Variants in GLG1 observed in about 807,000 individuals in gnomAD.
GLG1 encodes the protein Golgi apparatus protein 1.
In GLG1, 38 loss-of-function variants were observed where a neutral mutation model predicts 160.5. The observed-to-expected ratio is 0.24, with a 90% confidence interval of 0.18 to 0.31. GLG1 has a LOEUF of 0.31. GLG1 is among the 10% of genes least tolerant of loss of function. The pLI is 1.00. For synonymous variants in GLG1, 644 were observed against 543.4 expected, an observed-to-expected ratio of 1.19 and a Z score of -2.57; for missense variants, 1,373 against 1,505.2, an observed-to-expected ratio of 0.91 and a Z score of 1.45.
At chr16:74,458,074 C>A in intron 23 of GLG1, 80 bp from the exon 24 acceptor site, 1 of 1,397,964 alleles carries the variant, frequency 7.2e-7, no homozygotes, top group South Asian at 1.3e-5. Context: ...ACTTCATATA[C>A]TAATAAAAAA....
intron 1 of GLG1, among the ~76,000 whole-genome samples, chr16:74,548,444 G>T (rs1368836978): frequency 1.3e-5 from 2 of 152,136 alleles, no homozygotes; most frequent in African/African-American, 4.8e-5. Context: ...TTATATTTAA[G>T]AAAGTTCTTT....
At chr16:74,568,069 A>T (rs374255151) in intron 1 of GLG1, among the ~76,000 whole-genome samples, 2 of 152,188 alleles carry the variant, frequency 1.3e-5, no homozygotes, top group Admixed American at 6.5e-5. Flanking sequence ...AAACAATACA[A>T]CATTTGCAAT....
At chr16:74,572,535 A>C (rs2018861556) in intron 1 of GLG1, among the ~76,000 whole-genome samples, 1 of 151,762 alleles carries the variant, frequency 6.6e-6, no homozygotes, top group South Asian at 2.1e-4. Context: ...AACAAAAAAA[A>C]AAAAACACAA....
rs1555511216 is a variant in GLG1 at position 74,506,604 on chromosome 16, A to AAAAAAAC, written c.558+2234_558+2235insGTTTTTT. On this transcript the variant is annotated intron_variant, in intron 3 of 25. Coordinates refer to ENST00000422840, the MANE Select transcript of GLG1 (RefSeq NM_001145667.2). ...CTCAAAAAAAAAAAAAAAAAAAAAA[A>AAAAAAAC]CTCAAGAGAAACCAGGAGCACATTT... Among the ~76,000 whole-genome samples the AAAAAAAC allele has an allele frequency of 7.1e-3, 1,017 of 142,536 alleles. 36 individuals carry two copies. The highest frequency in any genetic ancestry group is 0.012 in the Non-Finnish European group (797 of 64,502). 93.5% of individuals were successfully genotyped at this position (142,536 alleles called of 152,430 possible).
At chr16:74,539,064 G>A (rs575331598) in intron 1 of GLG1, among the ~76,000 whole-genome samples, 49 of 150,976 alleles carry the variant, frequency 3.2e-4, no homozygotes, top group African/African-American at 1.1e-3. Flanking sequence ...ATTCTGTGCC[G>A]ATGGCTGAGA....
intron 2 of GLG1, among the ~76,000 whole-genome samples, chr16:74,512,924 G>A (rs535078025): frequency 6.6e-6 from 1 of 152,146 alleles, no homozygotes; most frequent in Non-Finnish European, 1.5e-5. Context: ...TCAGGGATAA[G>A]AAGCAATTTA....
At chr16:74,492,021 G>A (rs1371473171) in intron 7 of GLG1, among the ~76,000 whole-genome samples, 3 of 151,966 alleles carry the variant, frequency 2.0e-5, no homozygotes, top group Admixed American at 2.0e-4. Flanking sequence ...AAAATTTGAA[G>A]CCAAGTCTGA....
intron 1 of GLG1, among the ~76,000 whole-genome samples, chr16:74,572,888 G>A (rs1483185908): frequency 3.9e-5 from 6 of 152,106 alleles, no homozygotes; most frequent in Non-Finnish European, 5.9e-5. Context: ...CTGAAGTGAC[G>A]GGCTGTCTTA....
At chr16:74,539,980 A>AC (rs1268203734) in intron 1 of GLG1, among the ~76,000 whole-genome samples, 4 of 4,504 alleles carry the variant, frequency 8.9e-4, no homozygotes, top group African/African-American at 1.4e-3. Flanking sequence ...ATAAACAAAT[A>AC]CAAATATATA....
chr16:74,587,442 T>C (rs1958079421), intron 1 of GLG1, among the ~76,000 whole-genome samples: 1 of 152,234 alleles, frequency 6.6e-6, no homozygotes, highest in Non-Finnish European at 1.5e-5. Flanking sequence ...AGGAGATTTG[T>C]GGAGGGATCC....
chr16:74,600,060 AC>A (rs1268123073), intron 1 of GLG1, among the ~76,000 whole-genome samples: 2 of 151,942 alleles, frequency 1.3e-5, no homozygotes, highest in Non-Finnish European at 2.9e-5. Context: ...AAACAAAAAA[AC>A]AACAGAGAAA....
At chr16:74,562,245 T>C (rs559641201) in intron 1 of GLG1, among the ~76,000 whole-genome samples, 1 of 152,350 alleles carries the variant, frequency 6.6e-6, no homozygotes, top group South Asian at 2.1e-4. Context: ...CTGAATTGAC[T>C]GGTTGCCTTG....
In GLG1 at chr16:74,504,951, T is replaced by C. The variant is rs1408964204; in HGVS notation, c.559-1205A>G. ...TTAAATTATAAAACAGAGAAGGGTGTTTGGAAAAGAGCCTATTGCATTTGG... is the reference window on the plus strand; with the variant it reads ...TTAAATTATAAAACAGAGAAGGGTGCTTGGAAAAGAGCCTATTGCATTTGG... On this transcript the variant is annotated intron_variant, in intron 3 of 25. Transcript: ENST00000422840. 3.3e-5 allele frequency among the ~76,000 whole-genome samples: 5 copies of C among 152,246 alleles called. No individual in the cohort carries two copies. The East Asian group carries it at 9.6e-4, about 29-fold the overall frequency.
At chr16:74,585,499 G>A (rs1958027664) in intron 1 of GLG1, among the ~76,000 whole-genome samples, 1 of 152,046 alleles carries the variant, frequency 6.6e-6, no homozygotes, top group African/African-American at 2.4e-5. Flanking sequence ...GAGGTCATGA[G>A]ATTGAGACCA....
chr16:74,508,930 A>G lies in GLG1; in HGVS notation c.472-5T>C. ...CAGCTTATAATTCCACAACAACTAG[A>G]TAGGAGAGGAAAAAAAAAAACAAAG... On this transcript the variant is annotated splice_region_variant and splice_polypyrimidine_tract_variant and intron_variant, in intron 2 of 25. Transcript: ENST00000422840. 8.5e-7 allele frequency: 1 copy of G among 1,182,804 alleles called. No homozygotes were observed. The highest frequency in any genetic ancestry group is 1.3e-6 in the Non-Finnish European group (1 of 798,530). The allele number at this position is 1,182,804 out of a possible 1,614,324, so 73.3% of individuals were successfully genotyped here.
At chr16:74,471,398 A>T in intron 14 of GLG1, 112 bp from the exon 15 acceptor site, 1 of 682,064 alleles carries the variant, frequency 1.5e-6, no homozygotes, top group East Asian at 2.5e-5. Flanking sequence ...CCTCACAAAA[A>T]AAAGACACAC....
At position 74,536,794 on chromosome 16, in the gene GLG1, A is replaced by G. The variant is rs1444439721; in HGVS notation, c.439-4641T>C. Among the ~76,000 whole-genome samples, 4 of 152,224 alleles carry G rather than the reference A, an allele frequency of 2.6e-5. No homozygotes were observed. The East Asian group carries it at 5.8e-4, about 22-fold the overall frequency. On this transcript the variant is annotated intron_variant, in intron 1 of 25. Transcript: ENST00000422840. ...AATGGTTACTGATTTTTCAAATGATAGGAAGAACATGACCAAGATAGAGGA... is the reference window on the plus strand; with the variant it reads ...AATGGTTACTGATTTTTCAAATGATGGGAAGAACATGACCAAGATAGAGGA...
intron 6 of GLG1, 146 bp from the exon 7 acceptor site, chr16:74,493,286 A>C: frequency 5.3e-6 from 3 of 563,264 alleles, no homozygotes; most frequent in Admixed American, 3.5e-5. Context: ...AGTTTGGTTA[A>C]AATGTTCACA....
rs2014274341 is a variant in GLG1, at chr16:74,451,052, T to C, written c.*2115A>G. The C allele has an allele frequency of 6.6e-6, 1 of 152,264 alleles. No homozygotes were observed. Among genetic ancestry groups the C allele is most frequent in the African/African-American group, 2.4e-5 (1 of 41,454 alleles). 9.4% of individuals were successfully genotyped at this position (152,264 alleles called of 1,614,324 possible). On this transcript the variant is annotated 3_prime_UTR_variant, in exon 26 of 26. Transcript: ENST00000422840. Reference sequence around the variant, plus strand: ...CCGGTCAAACAGTGAACATCCATCCTACCTGCAAACCACACCAGGCACGTC... The same window carrying C: ...CCGGTCAAACAGTGAACATCCATCCCACCTGCAAACCACACCAGGCACGTC...
Sources: gnomAD v4.1 joint callset for allele counts (sites outside exome capture counted in the v4.1 genomes callset) on GRCh38, gnomAD v4.1.1 for gene constraint, MANE v1.5 for transcripts, NCBI Gene and HGNC (gene_info 2026-07-23, HGNC 2026-07-21) for gene names.